Variants in SDK1 observed in about 807,000 individuals in gnomAD.
SDK1 encodes the protein sidekick cell adhesion molecule 1, also known as protein sidekick-1.
A neutral mutation model predicts 245.5 loss-of-function variants in SDK1; 157 were observed. The ratio of observed to expected loss-of-function variants is 0.64; its 90% CI spans 0.56 to 0.73. The LOEUF (loss-of-function observed/expected upper bound fraction) is 0.73, where lower values mean the gene tolerates loss of function less well. Ranked by LOEUF, SDK1 falls within the 30% of genes least tolerant of loss-of-function variation. The probability of loss-of-function intolerance (pLI) is 0.00; values close to 1 mark genes in which losing one functional copy is unlikely to be tolerated. For synonymous variants in SDK1, 1,647 were observed against 1,278.5 expected, an observed-to-expected ratio of 1.29 and a Z score of -6.15; for missense variants, 3,583 against 3,002.3, an observed-to-expected ratio of 1.19 and a Z score of -4.52.
At chr7:3,377,470 G>C (rs1199278503) in intron 1 of SDK1, among the ~76,000 whole-genome samples, 1 of 152,058 alleles carries the variant, frequency 6.6e-6, no homozygotes. Flanking sequence ...GTGCTGTTTG[G>C]GTGGGGAAAG....
chr7:3,672,785 ATATATATAT>A lies in SDK1; in HGVS notation c.713+30681_713+30689del, dbSNP rs1330650384. Among the ~76,000 whole-genome samples the A allele has an allele frequency of 2.5e-3, 267 of 105,158 alleles. 19 individuals carry two copies. Among genetic ancestry groups the A allele is most frequent in the East Asian group, 0.019 (65 of 3,492 alleles). 69.0% of individuals were successfully genotyped at this position (105,158 alleles called of 152,430 possible). The stretch of plus-strand genomic sequence containing the variant: ...TATATATATATATATATATATATAT[ATATATATAT>A]AAAAAATACAGAAAGCTCTAAGTAT... On this transcript the variant is annotated intron_variant, in intron 4 of 44. Coordinates refer to ENST00000404826, the MANE Select transcript of SDK1 (RefSeq NM_152744.4).
In SDK1 at chr7:3,325,633, G is replaced by A. The variant is rs138865190; in HGVS notation, c.298+23749G>A. On this transcript the variant is annotated intron_variant, in intron 1 of 44. Coordinates refer to ENST00000404826, the MANE Select transcript of SDK1 (RefSeq NM_152744.4). ...ATAGAAGTGTCATAAAAGATTAAAG[G>A]GTGTATCAACAAAATGAACCAGCTT... 3.8e-3 allele frequency among the ~76,000 whole-genome samples: 572 copies of A among 151,974 alleles called. 6 individuals carry two copies. The highest frequency in any genetic ancestry group is 0.013 in the African/African-American group (527 of 41,470).
intron 4 of SDK1, among the ~76,000 whole-genome samples, chr7:3,749,462 G>A (rs559511511): frequency 6.6e-6 from 1 of 152,288 alleles, no homozygotes; most frequent in African/African-American, 2.4e-5. Context: ...ACCACGCCTG[G>A]CTAATTTTTT....
intron 5 of SDK1, among the ~76,000 whole-genome samples, chr7:3,938,645 C>CAAAAAAAAAAAAAAAAAAAAAAA (rs559065786): frequency 5.4e-4 from 49 of 90,546 alleles, no homozygotes; most frequent in South Asian, 3.5e-3. Flanking sequence ...GACTCCGTCT[C>CAAAAAAAAAAAAAAAAAAAAAAA]AAAAAAAAAA....
chr7:3,840,640 A>T (rs1780133411), intron 5 of SDK1, among the ~76,000 whole-genome samples: 2 of 152,198 alleles, frequency 1.3e-5, no homozygotes, highest in Admixed American at 1.3e-4. Flanking sequence ...CAAGATTTCC[A>T]ACAAGCTCCC....
intron 5 of SDK1, among the ~76,000 whole-genome samples, chr7:3,893,857 C>A (rs1409545654): frequency 2.0e-5 from 3 of 152,120 alleles, no homozygotes; most frequent in African/African-American, 7.2e-5. Context: ...CTGGGCCACC[C>A]ACTTGCCACT....
intron 5 of SDK1, among the ~76,000 whole-genome samples, chr7:3,937,155 C>A (rs1397675116): frequency 6.6e-6 from 1 of 152,096 alleles, no homozygotes; most frequent in African/African-American, 2.4e-5. Flanking sequence ...AGCTCTCTTA[C>A]ATTTGGCCAT....
rs187756398 is a variant in SDK1 at position 4,178,356 on chromosome 7, G to T, written c.4997-129G>T. On this transcript the variant is annotated intron_variant, in intron 34 of 44. Coordinates refer to ENST00000404826, the MANE Select transcript of SDK1 (RefSeq NM_152744.4). ...TCACAGTGGATGCAGGTATTTCACAGATTTCTAACAATCCCGCCTCCTCTC... is the reference window on the plus strand; with the variant it reads ...TCACAGTGGATGCAGGTATTTCACATATTTCTAACAATCCCGCCTCCTCTC... 3.5e-4 allele frequency: 257 copies of T among 727,020 alleles called. No homozygotes were observed. The African/African-American group carries it at 4.1e-3, about 12-fold the overall frequency. The allele number at this position is 727,020 out of a possible 1,614,324, so 45.0% of individuals were successfully genotyped here. A position where few individuals can be genotyped will look rare whatever the true frequency, so the allele number is the denominator to read the frequency against.
chr7:4,188,747 A>C (rs376515284), intron 35 of SDK1, among the ~76,000 whole-genome samples: 5 of 151,812 alleles, frequency 3.3e-5, no homozygotes, highest in South Asian at 4.2e-4. Flanking sequence ...GGAGCCTGGC[A>C]TGAAGTGAGC....
chr7:3,572,999 C>G (rs1366181777), intron 1 of SDK1, among the ~76,000 whole-genome samples: 1 of 151,910 alleles, frequency 6.6e-6, no homozygotes, highest in Non-Finnish European at 1.5e-5. Flanking sequence ...GGGTGACCAC[C>G]CAAAAGTGAG....
chr7:3,492,990 G>C (rs1466605488), intron 1 of SDK1, among the ~76,000 whole-genome samples: 1 of 151,660 alleles, frequency 6.6e-6, no homozygotes, highest in Admixed American at 6.6e-5. Context: ...TTGCTCTCTC[G>C]CCCAGGCTGG....
intron 14 of SDK1, among the ~76,000 whole-genome samples, chr7:3,988,209 A>G (rs1040131232): frequency 6.9e-5 from 9 of 129,746 alleles, no homozygotes; most frequent in Admixed American, 1.8e-4. Context: ...CCGCATTTCT[A>G]TATTCCTCTG....
chr7:3,698,518 C>G (rs1663164123), intron 4 of SDK1, among the ~76,000 whole-genome samples: 1 of 152,142 alleles, frequency 6.6e-6, no homozygotes, highest in Non-Finnish European at 1.5e-5. Flanking sequence ...CTCAGAGCGT[C>G]AGTGGAGGCG....
Position 4,082,351 on chromosome 7 carries a change from C to T in SDK1, c.3324+2767C>T, listed in dbSNP as rs546212861. Among the ~76,000 whole-genome samples the T allele has an allele frequency of 3.4e-3, 515 of 152,108 alleles. 3 individuals carry two copies. Among genetic ancestry groups the T allele is most frequent in the South Asian group, 0.032 (152 of 4,810 alleles). ...GGGAGTTCGAGGCCAGCCTGGCCAA[C>T]ATGTGAAACCCCATCTCTACTAAAA... is the stretch of plus-strand genomic sequence containing the variant. On this transcript the variant is annotated intron_variant, in intron 22 of 44. Coordinates refer to ENST00000404826, the MANE Select transcript of SDK1 (RefSeq NM_152744.4).
intron 11 of SDK1, among the ~76,000 whole-genome samples, chr7:3,971,203 G>A (rs141838119): frequency 6.6e-6 from 1 of 152,110 alleles, no homozygotes; most frequent in Non-Finnish European, 1.5e-5. Flanking sequence ...TGGGGTGGTC[G>A]GCATTCAGTT....
intron 5 of SDK1, among the ~76,000 whole-genome samples, chr7:3,891,445 G>T (rs558887703): frequency 1.3e-5 from 2 of 152,208 alleles, no homozygotes; most frequent in Non-Finnish European, 2.9e-5. Context: ...GATGAATGCC[G>T]AGGATCGTTT....
intron 1 of SDK1, among the ~76,000 whole-genome samples, chr7:3,610,282 G>A: frequency 6.6e-6 from 1 of 152,182 alleles, no homozygotes; most frequent in Non-Finnish European, 1.5e-5. Context: ...TCATATTTGA[G>A]ATTCTTTTCT....
chr7:3,871,339 A>G (rs1780951093), intron 5 of SDK1, among the ~76,000 whole-genome samples: 1 of 152,210 alleles, frequency 6.6e-6, no homozygotes, highest in South Asian at 2.1e-4. Flanking sequence ...GAGTTTCTAC[A>G]TAGACAATCA....
intron 1 of SDK1, among the ~76,000 whole-genome samples, chr7:3,576,747 A>C (rs12540209): frequency 0.22 from 34,110 of 151,856 alleles, 4,318 homozygotes; most frequent in South Asian, 0.37. Context: ...AGTGTTTCTT[A>C]TTTGCTAGAA....
Sources: allele counts gnomAD v4.1 joint callset (sites outside exome capture counted in the v4.1 genomes callset), GRCh38; gene constraint gnomAD v4.1.1; transcripts MANE v1.5; gene names NCBI Gene and HGNC (gene_info 2026-07-23, HGNC 2026-07-21).